Variants in GSE1 observed in about 807,000 individuals in gnomAD.
The protein encoded by GSE1 is genetic suppressor element 1.
In GSE1, 32 loss-of-function variants were observed where a neutral mutation model predicts 112.6. The observed-to-expected ratio is 0.28, with a 90% CI of 0.21 to 0.38. GSE1 has a LOEUF of 0.38. Among genes scored for constraint, GSE1 ranks in the 10% least tolerant of loss-of-function variants. The pLI, the probability that GSE1 is intolerant of heterozygous loss-of-function variation, is 1.00. For missense variants in GSE1, 2,348 were observed against 1,699.2 expected (o/e 1.38, Z -6.71); for synonymous variants, 1,115 against 735.6 (o/e 1.52, Z -8.35).
At chr16:85,336,724 C>T (rs1220728780) in intron 1 of GSE1, among the ~76,000 whole-genome samples, 1 of 152,166 alleles carries the variant, frequency 6.6e-6, no homozygotes, top group African/African-American at 2.4e-5. Flanking sequence ...GCCTCAGCCT[C>T]CTGAGTAGCT....
chr16:85,367,149 C>T (rs2047201847), intron 2 of GSE1, among the ~76,000 whole-genome samples: 3 of 152,258 alleles, frequency 2.0e-5, no homozygotes, highest in Admixed American at 2.0e-4. Flanking sequence ...GTCCGTTTGG[C>T]ACCACTGTGG....
chr16:85,469,839 C>T (rs2050231597), intron 2 of GSE1, among the ~76,000 whole-genome samples: 1 of 152,252 alleles, frequency 6.6e-6, no homozygotes. Flanking sequence ...GTCCCCTAAC[C>T]TCAGAGGATT....
intron 2 of GSE1, among the ~76,000 whole-genome samples, chr16:85,510,023 AAG>A (rs1018268118): frequency 1.3e-5 from 2 of 152,162 alleles, no homozygotes; most frequent in African/African-American, 4.8e-5. Context: ...TGTGACTCCA[AAG>A]AGAGAGGCTT....
chr16:85,555,019 C>T, upstream of GSE1: 1 of 985,290 alleles, frequency 1.0e-6, no homozygotes, highest in Non-Finnish European at 1.2e-6. Flanking sequence ...TCGGCGGCCG[C>T]GCGGGGGGAA....
chr16:85,301,334 C>T (rs558264462), intron 1 of GSE1, among the ~76,000 whole-genome samples: 3 of 152,218 alleles, frequency 2.0e-5, no homozygotes, highest in Non-Finnish European at 2.9e-5. Context: ...GTGTCGGATT[C>T]ATGGGGGTGA....
At chr16:85,596,974 G>A (rs2047255572) in intron 1 of GSE1, among the ~76,000 whole-genome samples, 2 of 151,844 alleles carry the variant, frequency 1.3e-5, no homozygotes, top group South Asian at 4.2e-4. Flanking sequence ...TTTTTTGTTT[G>A]TTTGTTTGTT....
At chr16:85,376,996 G>A (rs1017942140) in intron 2 of GSE1, among the ~76,000 whole-genome samples, 3 of 152,260 alleles carry the variant, frequency 2.0e-5, no homozygotes, top group African/African-American at 7.2e-5. Flanking sequence ...GAGTTGCCCA[G>A]TGTGAGTGAC....
At chr16:85,617,592 ACC>A (rs1265736888) in intron 1 of GSE1, among the ~76,000 whole-genome samples, 15 of 80,008 alleles carry the variant, frequency 1.9e-4, no homozygotes, top group Non-Finnish European at 3.7e-4. Context: ...CCGTGTGTCA[ACC>A]CTCCCCCCCC....
chr16:85,394,945 T>C (rs1380681632), intron 2 of GSE1, among the ~76,000 whole-genome samples: 2 of 152,084 alleles, frequency 1.3e-5, no homozygotes, highest in African/African-American at 2.4e-5. Flanking sequence ...GCTAGAGGCA[T>C]CCAGGGAAGG....
In GSE1 at chr16:85,666,526, C is replaced by T. The variant is rs1261263545; in HGVS notation, c.3130+179C>T. 9 of 647,236 alleles carry T rather than the reference C, an allele frequency of 1.4e-5. No individual in the cohort carries two copies. In the African/African-American group the frequency reaches 1.6e-4, roughly 12 times the overall value. 40.1% of individuals were successfully genotyped at this position (647,236 alleles called of 1,614,324 possible). ...CCATGTTTGTTTGTTTATCTCCAAG[C>T]TCTAAAACCTGAACTCGTAGGTGAG... On this transcript the variant is annotated intron_variant, in intron 13 of 15. Transcript: ENST00000253458.
chr16:85,307,806 C>G (rs1215773505), intron 1 of GSE1, among the ~76,000 whole-genome samples: 1 of 152,202 alleles, frequency 6.6e-6, no homozygotes. Context: ...GGTGGCTAAG[C>G]CCTCAGGTAA....
chr16:85,414,976 A>C (rs977018942), intron 2 of GSE1, among the ~76,000 whole-genome samples: 1 of 151,266 alleles, frequency 6.6e-6, no homozygotes, highest in African/African-American at 2.4e-5. Flanking sequence ...ACAGGGTCTC[A>C]CTCTGTTGCC....
chr16:85,427,213 G>A lies in GSE1; in HGVS notation c.2464+69570G>A, dbSNP rs74959353. Among the ~76,000 whole-genome samples the A allele has an allele frequency of 1.8e-4, 27 of 152,270 alleles. 1 individual carries two copies. In the East Asian group the frequency reaches 5.2e-3, roughly 29 times the overall value. ...GAGAAGTATCTCCCAGACCCTCCAG[G>A]GTGCCTGAGTTCAAAGCAAAGCAAC... On this transcript the variant is annotated intron_variant, in intron 2 of 2. Transcript: ENST00000637419.
chr16:85,350,608 T>A (rs552641294), intron 1 of GSE1, among the ~76,000 whole-genome samples: 120 of 152,268 alleles, frequency 7.9e-4, no homozygotes, highest in Middle Eastern at 6.8e-3. Context: ...CTTCAAGCTT[T>A]GAGGGGCCAT....
chr16:85,252,345 A>G (rs1321470591), intron 1 of GSE1, among the ~76,000 whole-genome samples: 4 of 147,922 alleles, frequency 2.7e-5, no homozygotes, highest in South Asian at 2.1e-4. Flanking sequence ...TACCTCCTCC[A>G]TAGCACAAAG....
chr16:85,171,032 A>C (rs1439127676), exon 1 of GSE1: 1 of 985,548 alleles, frequency 1.0e-6, no homozygotes, highest in Non-Finnish European at 1.2e-6. Flanking sequence ...CTCAACGGCA[A>C]CGCCAGGAGC....
chr16:85,546,696 G>A (rs971391105), intron 2 of GSE1, among the ~76,000 whole-genome samples: 16 of 152,246 alleles, frequency 1.1e-4, no homozygotes, highest in African/African-American at 3.4e-4. Flanking sequence ...CGCGGCCAGT[G>A]ATTCCTTCTC....
chr16:85,601,033 G>C (rs2047442063), intron 1 of GSE1, among the ~76,000 whole-genome samples: 1 of 152,148 alleles, frequency 6.6e-6, no homozygotes, highest in South Asian at 2.1e-4. Flanking sequence ...CATCCAGGAG[G>C]ACTCCCTGGA....
At chr16:85,293,499 T>C (rs1302118020) in intron 1 of GSE1, among the ~76,000 whole-genome samples, 1 of 152,124 alleles carries the variant, frequency 6.6e-6, no homozygotes, top group Admixed American at 6.5e-5. Context: ...TGAGCTGAGA[T>C]TGAGCCCCTG....
Sources: gnomAD v4.1 joint callset for allele counts (sites outside exome capture counted in the v4.1 genomes callset) on GRCh38, gnomAD v4.1.1 for gene constraint, MANE v1.5 for transcripts, NCBI Gene and HGNC (gene_info 2026-07-23, HGNC 2026-07-21) for gene names.